PLXDC2: variants seen among roughly 807,000 people sequenced by gnomAD.
The protein encoded by PLXDC2 is plexin domain containing 2.
In PLXDC2, 40 loss-of-function variants were observed where a neutral mutation model predicts 68.9. The ratio of observed to expected loss-of-function variants is 0.58; its 90% CI spans 0.45 to 0.76. The LOEUF is 0.76. PLXDC2 is among the 30% of genes least tolerant of loss of function. PLXDC2 has a pLI of 0.00. For synonymous variants in PLXDC2, 243 were observed against 234.2 expected (o/e 1.04, Z -0.34); for missense variants, 644 against 661.9 (o/e 0.97, Z 0.30).
At chr10:20,024,175 C>T (rs1461403605) in intron 2 of PLXDC2, among the ~76,000 whole-genome samples, 1 of 152,120 alleles carries the variant, frequency 6.6e-6, no homozygotes, top group African/African-American at 2.4e-5. Context: ...GGTTTAAAAA[C>T]TATTGTTGGT....
At chr10:19,866,446 T>G (rs907720688) in intron 1 of PLXDC2, among the ~76,000 whole-genome samples, 2 of 152,218 alleles carry the variant, frequency 1.3e-5, no homozygotes, top group Non-Finnish European at 2.9e-5. Flanking sequence ...TCTCCTGTTC[T>G]GCCTCTTTCT....
intron 4 of PLXDC2, among the ~76,000 whole-genome samples, chr10:20,072,127 ACCTGAGGTCCAGAGTTTGGATCG>A (rs1222385358): frequency 2.0e-5 from 3 of 151,732 alleles, no homozygotes; most frequent in South Asian, 4.2e-4. Flanking sequence ...TGGGCGGATC[ACCTGAGGTCCAGAGTTTGGATCG>A]CCTGAGGTCC....
chr10:20,107,139 A>G (rs1833502604), intron 4 of PLXDC2, among the ~76,000 whole-genome samples: 1 of 150,782 alleles, frequency 6.6e-6, no homozygotes, highest in Admixed American at 6.6e-5. Context: ...TATACTATGT[A>G]TTCTACATTA....
At chr10:19,971,346 C>T (rs1264374789) in intron 1 of PLXDC2, among the ~76,000 whole-genome samples, 3 of 152,156 alleles carry the variant, frequency 2.0e-5, no homozygotes, top group African/African-American at 7.2e-5. Context: ...TCCCAGTTCA[C>T]TGTATATTTG....
chr10:20,015,346 G>A (rs1414644587), intron 2 of PLXDC2, among the ~76,000 whole-genome samples: 2 of 152,022 alleles, frequency 1.3e-5, no homozygotes, highest in Non-Finnish European at 2.9e-5. Context: ...ATTTGTATGT[G>A]TGTGCACGTG....
At chr10:19,846,642 G>A (rs1442577165) in intron 1 of PLXDC2, among the ~76,000 whole-genome samples, 1 of 152,026 alleles carries the variant, frequency 6.6e-6, no homozygotes, top group Admixed American at 6.6e-5. Flanking sequence ...TTTTTGGGGG[G>A]TCTGATATCA....
At chr10:20,160,191 T>C (rs548011132) in intron 6 of PLXDC2, among the ~76,000 whole-genome samples, 2 of 152,294 alleles carry the variant, frequency 1.3e-5, no homozygotes, top group South Asian at 4.1e-4. Context: ...TTGGGGAAAA[T>C]AATTTATATC....
chr10:20,069,302 G>A (rs1029669178), intron 4 of PLXDC2, among the ~76,000 whole-genome samples: 1 of 152,174 alleles, frequency 6.6e-6, no homozygotes, highest in Non-Finnish European at 1.5e-5. Context: ...CTGCCTTAGA[G>A]GTGTGTAGCT....
chr10:20,125,147 AC>A (rs1207886291), intron 4 of PLXDC2, among the ~76,000 whole-genome samples: 1 of 151,568 alleles, frequency 6.6e-6, no homozygotes, highest in Non-Finnish European at 1.5e-5. Context: ...GTGACAATCA[AC>A]CCCCTACCCA....
chr10:20,261,398 T>C (rs1179889268), intron 13 of PLXDC2, among the ~76,000 whole-genome samples: 2 of 152,216 alleles, frequency 1.3e-5, no homozygotes, highest in Non-Finnish European at 2.9e-5. Flanking sequence ...AGTTTCATCA[T>C]ATTTTTAAAA....
chr10:19,928,869 C>T (rs1391941779), intron 1 of PLXDC2, among the ~76,000 whole-genome samples: 1 of 150,996 alleles, frequency 6.6e-6, no homozygotes, highest in Non-Finnish European at 1.5e-5. Flanking sequence ...ATTCTATTGC[C>T]TCAGCCTCCC....
In PLXDC2 at chr10:19,944,673, G is replaced by A. The variant is rs183872244; in HGVS notation, c.113-57102G>A. Among the ~76,000 whole-genome samples, 263 of 152,236 alleles carry A rather than the reference G, an allele frequency of 1.7e-3. 1 individual carries two copies. The highest frequency in any genetic ancestry group is 5.2e-3 in the African/African-American group (214 of 41,552). On this transcript the variant is annotated intron_variant, in intron 1 of 13. Transcript: ENST00000377252. ...TAAAGAAATAGAAGCATTGGTGGCC[G>A]GGTATGGTGGCTCACGCCTGTAATC...
chr10:19,843,751 T>G (rs1836948825), intron 1 of PLXDC2, among the ~76,000 whole-genome samples: 1 of 152,106 alleles, frequency 6.6e-6, no homozygotes, highest in Non-Finnish European at 1.5e-5. Context: ...ATAGAATGAC[T>G]GATATCAGAG....
At chr10:20,127,950 A>G (rs570722434) in intron 4 of PLXDC2, among the ~76,000 whole-genome samples, 1 of 152,326 alleles carries the variant, frequency 6.6e-6, no homozygotes, top group South Asian at 2.1e-4. Context: ...ACCAGGATGG[A>G]AGCCCTGCTA....
chr10:19,949,123 C>CAAAAA (rs60138814), intron 1 of PLXDC2, among the ~76,000 whole-genome samples: 47 of 82,884 alleles, frequency 5.7e-4, no homozygotes, highest in Admixed American at 8.2e-4. Context: ...GAGACTTTGT[C>CAAAAA]AAAAAAAAAA....
chr10:20,197,141 CA>C (rs1286858240), intron 9 of PLXDC2, among the ~76,000 whole-genome samples: 1 of 151,860 alleles, frequency 6.6e-6, no homozygotes, highest in Admixed American at 6.6e-5. Flanking sequence ...TTATAGATGC[CA>C]AAAGCTATGA....
At chr10:20,099,817 T>C (rs1324813368) in intron 4 of PLXDC2, among the ~76,000 whole-genome samples, 1 of 152,184 alleles carries the variant, frequency 6.6e-6, no homozygotes, top group African/African-American at 2.4e-5. Context: ...TATCATCTGT[T>C]TTACTGTATT....
intron 1 of PLXDC2, among the ~76,000 whole-genome samples, chr10:19,991,432 T>C (rs989654708): frequency 1.3e-5 from 2 of 151,718 alleles, no homozygotes; most frequent in African/African-American, 4.8e-5. Flanking sequence ...CAAAATCATA[T>C]GTTTACCTAG....
At chr10:19,920,240 A>G (rs1344334274) in intron 1 of PLXDC2, among the ~76,000 whole-genome samples, 1 of 152,212 alleles carries the variant, frequency 6.6e-6, no homozygotes, top group African/African-American at 2.4e-5. Context: ...GTAGGGGGAA[A>G]GGAACTGCTG....
Sources: gnomAD v4.1 joint callset for allele counts (sites outside exome capture counted in the v4.1 genomes callset) on GRCh38, gnomAD v4.1.1 for gene constraint, MANE v1.5 for transcripts, NCBI Gene and HGNC (gene_info 2026-07-23, HGNC 2026-07-21) for gene names.